CYSLTR1: variants seen among roughly 807,000 people sequenced by gnomAD.
CYSLTR1 encodes G-protein coupled receptor HG55.
Under a neutral mutation model 2.1 loss-of-function variants are expected in CYSLTR1, and 1 was observed. The ratio of observed to expected loss-of-function variants is 0.48; its 90% CI spans 0.17 to 2.28. CYSLTR1 has a LOEUF of 2.28. CYSLTR1 is among the 30% of genes most tolerant of loss of function. The pLI is 0.26. For missense variants in CYSLTR1, 299 were observed against 250.1 expected (o/e 1.20, Z -1.32); for synonymous variants, 110 against 89.6 (o/e 1.23, Z -1.28).
chrX:78,273,532 C>G lies in CYSLTR1; in HGVS notation c.215G>C (p.Cys72Ser). 1.7e-6 allele frequency: 2 copies of G among 1,211,496 alleles called. No homozygotes were observed. The highest frequency in any genetic ancestry group is 2.2e-6 in the Non-Finnish European group (2 of 895,455). ...CACACGGAGAGGCAGTGTGCACACA[C>G]AAAGTAGATCTGCTACTGCTAAATT... ...MINLAVADLLCVCTLPLRVVY... is the reference protein window; with the variant it reads ...MINLAVADLLSVCTLPLRVVY... Residue 72 changes from cysteine (C) to serine (S), a missense_variant, in exon 3 of 3, where the codon TGT (cysteine) becomes TCT (serine). By Grantham distance (112) the Cys-to-Ser change is moderately radical. Coordinates refer to ENST00000373304, the MANE Select transcript of CYSLTR1 (RefSeq NM_006639.4).
rs866204187 is a variant in CYSLTR1 at position 78,273,303 on chromosome X, C to T, written c.444G>A (p.Trp148Ter). ...KKARFVCVGI[W>*]IFVILTSSPF... ...GAGAACTGGTCAAAATCACAAAAATCCAAATACCTACACACACAAACCTGG... is the reference window on the plus strand; with the variant it reads ...GAGAACTGGTCAAAATCACAAAAATTCAAATACCTACACACACAAACCTGG... Residue 148 changes from tryptophan (W) to a stop codon, truncating the protein, a stop_gained, in exon 3 of 3, where the codon TGG becomes TGA. Coordinates refer to ENST00000373304, the MANE Select transcript of CYSLTR1 (RefSeq NM_006639.4). LOFTEE classifies it low-confidence loss of function (END_TRUNC). The T allele has an allele frequency of 4.1e-6, 5 of 1,210,150 alleles. No individual in the cohort carries two copies. Among genetic ancestry groups the T allele is most frequent in the Non-Finnish European group, 5.6e-6 (5 of 894,671 alleles).
intron 1 of CYSLTR1, among the ~76,000 whole-genome samples, chrX:78,308,097 A>C (rs1053627910): frequency 9.0e-6 from 1 of 110,771 alleles, no homozygotes; most frequent in African/African-American, 3.3e-5. Flanking sequence ...TGGGGAAACA[A>C]AACTGTCCAG....
intron 1 of CYSLTR1, among the ~76,000 whole-genome samples, chrX:78,289,035 A>T (rs1197456225): frequency 9.1e-6 from 1 of 109,990 alleles, no homozygotes; most frequent in Non-Finnish European, 1.9e-5. Flanking sequence ...ACATAGGTAT[A>T]CATGTGCCAT....
intron 1 of CYSLTR1, among the ~76,000 whole-genome samples, chrX:78,285,146 T>G (rs996883854): frequency 8.9e-6 from 1 of 111,799 alleles, no homozygotes; most frequent in African/African-American, 3.2e-5. Context: ...ATAAAAATCC[T>G]TTCTGGCTGG....
chrX:78,295,014 T>A (rs1284446450), intron 1 of CYSLTR1, among the ~76,000 whole-genome samples: 2 of 112,094 alleles, frequency 1.8e-5, no homozygotes, highest in African/African-American at 6.5e-5. Flanking sequence ...CCCAATGAGA[T>A]GAAACAGGTA....
chrX:78,317,830 G>T (rs1024915002), intron 1 of CYSLTR1, among the ~76,000 whole-genome samples: 2 of 111,587 alleles, frequency 1.8e-5, no homozygotes, highest in African/African-American at 6.5e-5. Context: ...ACTCGGGGAA[G>T]GGTGGGAAGG....
chrX:78,303,944 T>C (rs1922928470), intron 1 of CYSLTR1, among the ~76,000 whole-genome samples: 1 of 111,779 alleles, frequency 8.9e-6, no homozygotes, highest in African/African-American at 3.3e-5. Context: ...ATTTCTGTTT[T>C]TTGAGAGCTG....
chrX:78,308,047 GA>G (rs1378449359), intron 1 of CYSLTR1, among the ~76,000 whole-genome samples: 4 of 105,186 alleles, frequency 3.8e-5, no homozygotes, highest in African/African-American at 6.9e-5. Context: ...AGAAGCTCTT[GA>G]AAAAAAAAAG....
chrX:78,316,255 C>T (rs148525751), intron 1 of CYSLTR1, among the ~76,000 whole-genome samples: 135 of 112,113 alleles, frequency 1.2e-3, no homozygotes, highest in African/African-American at 4.2e-3. Context: ...CTTTGGGGAA[C>T]GCACCCAGTG....
intron 1 of CYSLTR1, among the ~76,000 whole-genome samples, chrX:78,295,343 C>T (rs937117957): frequency 5.7e-4 from 59 of 102,713 alleles, no homozygotes; most frequent in Admixed American, 2.9e-3. Context: ...AACAGAAGTG[C>T]GGATATCTCT....
chrX:78,294,178 C>A (rs1479433853), intron 1 of CYSLTR1, among the ~76,000 whole-genome samples: 1 of 112,434 alleles, frequency 8.9e-6, no homozygotes, highest in Non-Finnish European at 1.9e-5. Context: ...TGTGGCTGTC[C>A]TTTCTGTTTG....
chrX:78,320,653 C>A (rs1204212606), intron 1 of CYSLTR1: 1 of 111,696 alleles, frequency 9.0e-6, no homozygotes, highest in Non-Finnish European at 1.9e-5. Context: ...TGAAGAAAGT[C>A]ATTGGTAGCT....
chrX:78,324,630 T>A (rs987097542), intron 1 of CYSLTR1, among the ~76,000 whole-genome samples: 1 of 112,132 alleles, frequency 8.9e-6, no homozygotes, highest in Admixed American at 9.4e-5. Context: ...CCTCCCAAAG[T>A]GCTGGGATTA....
intron 1 of CYSLTR1, among the ~76,000 whole-genome samples, chrX:78,325,674 CA>C (rs778483244): frequency 9.0e-6 from 1 of 111,468 alleles, no homozygotes; most frequent in Non-Finnish European, 1.9e-5. Context: ...GTGTTAGGAA[CA>C]TGAGAATAAC....
At position 78,284,646 on chromosome X, in the gene CYSLTR1, C is replaced by T. The variant is rs149741764; in HGVS notation, c.-114-1106G>A. On this transcript the variant is annotated intron_variant, in intron 1 of 2. Transcript: ENST00000373304. ...GAACTCCCCGACCTCAGGTGATCTG[C>T]TCGCTTCAGCCTCCCAAAGTGCTGG... is the stretch of plus-strand genomic sequence containing the variant. 7.4e-3 allele frequency among the ~76,000 whole-genome samples: 809 copies of T among 109,667 alleles called. 13 individuals carry two copies. The highest frequency in any genetic ancestry group is 0.026 in the African/African-American group (770 of 30,120).
intron 2 of CYSLTR1, among the ~76,000 whole-genome samples, chrX:78,277,156 A>T (rs1375392534): frequency 9.0e-6 from 1 of 110,605 alleles, no homozygotes; most frequent in Non-Finnish European, 1.9e-5. Context: ...GGATCGCCAT[A>T]CTCCTCTAAG....
intron 1 of CYSLTR1, among the ~76,000 whole-genome samples, chrX:78,312,465 TA>T (rs1389889356): frequency 1.8e-5 from 2 of 111,341 alleles, no homozygotes; most frequent in Non-Finnish European, 3.8e-5. Flanking sequence ...AAAACAAAAA[TA>T]AACAAGTAGA....
At chrX:78,296,695 C>T (rs1922589282) in intron 1 of CYSLTR1, among the ~76,000 whole-genome samples, 1 of 110,742 alleles carries the variant, frequency 9.0e-6, no homozygotes, top group Non-Finnish European at 1.9e-5. Context: ...TCACATTGTT[C>T]ACTGTTGGCT....
At chrX:78,293,124 C>T (rs764012095) in intron 1 of CYSLTR1, among the ~76,000 whole-genome samples, 1 of 110,966 alleles carries the variant, frequency 9.0e-6, no homozygotes, top group East Asian at 2.8e-4. Context: ...ACTGGTTGTT[C>T]CTTTCCATGT....
Sources: gnomAD v4.1 joint callset for allele counts (sites outside exome capture counted in the v4.1 genomes callset) on GRCh38, gnomAD v4.1.1 for gene constraint, MANE v1.5 for transcripts, NCBI Gene and HGNC (gene_info 2026-07-23, HGNC 2026-07-21) for gene names.